ASIC2: variants seen among roughly 807,000 people sequenced by gnomAD.
The protein encoded by ASIC2 is acid-sensing ion channel 2.
ASIC2 carries 25 observed loss-of-function variants against 57.3 expected under a neutral mutation model. That is an observed-to-expected ratio of 0.44 (90% CI 0.32 to 0.61). The LOEUF (loss-of-function observed/expected upper bound fraction) is 0.61, where lower values mean the gene tolerates loss of function less well. ASIC2 is among the 20% of genes least tolerant of loss of function. The pLI is 0.06. For synonymous variants in ASIC2, 319 were observed against 307.5 expected (o/e 1.04, Z -0.39); for missense variants, 641 against 738.1 (o/e 0.87, Z 1.52).
At chr17:33,259,122 T>A (rs970038411) in intron 1 of ASIC2, among the ~76,000 whole-genome samples, 1 of 152,134 alleles carries the variant, frequency 6.6e-6, no homozygotes. Flanking sequence ...AGGGTTGATA[T>A]GAAAAGTGGC....
chr17:33,596,369 G>A (rs1904979115), intron 1 of ASIC2, among the ~76,000 whole-genome samples: 1 of 152,202 alleles, frequency 6.6e-6, no homozygotes, highest in Non-Finnish European at 1.5e-5. Flanking sequence ...TTAAAGGTGG[G>A]ATTAATTTAA....
intron 1 of ASIC2, among the ~76,000 whole-genome samples, chr17:33,936,990 G>A (rs942371841): frequency 2.0e-5 from 3 of 152,190 alleles, no homozygotes. Context: ...AGCCCAAGCG[G>A]AGAGAGTTAG....
intron 1 of ASIC2, among the ~76,000 whole-genome samples, chr17:34,125,681 T>C (rs1298337226): frequency 1.3e-5 from 2 of 152,188 alleles, no homozygotes; most frequent in South Asian, 4.1e-4. Flanking sequence ...ATGATTCCTA[T>C]CTTATAAAGG....
chr17:33,443,196 G>C (rs1911884533), intron 1 of ASIC2, among the ~76,000 whole-genome samples: 1 of 152,058 alleles, frequency 6.6e-6, no homozygotes, highest in African/African-American at 2.4e-5. Flanking sequence ...AGTTTGTACA[G>C]GATATTGGTC....
intron 1 of ASIC2, among the ~76,000 whole-genome samples, chr17:33,819,672 C>G (rs137946983): frequency 6.6e-6 from 1 of 152,146 alleles, no homozygotes; most frequent in South Asian, 2.1e-4. Flanking sequence ...AGAGGATCTC[C>G]GGCAGAGTTG....
Position 33,013,684 on chromosome 17 carries a change from G to T in ASIC2, c.*281C>A. The stretch of plus-strand genomic sequence containing the variant: ...CGCCACAAGAAGTCTGAGCATGCAG[G>T]TGCTTTATACATCTGGCAGTGAGAT... On this transcript the variant is annotated 3_prime_UTR_variant, in exon 10 of 10. Transcript: ENST00000225823. The T allele has an allele frequency of 2.2e-6, 1 of 452,748 alleles. No individual in the cohort carries two copies. The highest frequency in any genetic ancestry group is 4.0e-6 in the Non-Finnish European group (1 of 247,426). The allele number at this position is 452,748 out of a possible 1,614,324, so 28.0% of individuals were successfully genotyped here.
intron 1 of ASIC2, among the ~76,000 whole-genome samples, chr17:33,313,370 C>T (rs1008364152): frequency 6.6e-6 from 1 of 151,842 alleles, no homozygotes; most frequent in Admixed American, 6.6e-5. Flanking sequence ...ATGAGCAGCT[C>T]TGCACACTCT....
At chr17:33,535,454 T>A (rs1055672131) in intron 1 of ASIC2, among the ~76,000 whole-genome samples, 3 of 151,998 alleles carry the variant, frequency 2.0e-5, no homozygotes, top group African/African-American at 7.2e-5. Flanking sequence ...TTTTTTTGTA[T>A]TTTTAGTAGA....
chr17:33,886,943 C>A (rs796916652), intron 1 of ASIC2, among the ~76,000 whole-genome samples: 22 of 105,194 alleles, frequency 2.1e-4, no homozygotes, highest in African/African-American at 4.1e-5. Context: ...AGAAAACAAA[C>A]AAACAAACTA....
chr17:34,112,465 A>C (rs926345158), intron 1 of ASIC2, among the ~76,000 whole-genome samples: 5 of 152,146 alleles, frequency 3.3e-5, no homozygotes, highest in Admixed American at 1.3e-4. Context: ...GCCAAAAAAA[A>C]AAAAAAAAGG....
intron 1 of ASIC2, among the ~76,000 whole-genome samples, chr17:33,631,301 C>T (rs1010138287): frequency 6.7e-6 from 1 of 148,744 alleles, no homozygotes; most frequent in East Asian, 2.0e-4. Context: ...CAGTCTTAAG[C>T]GTGGCATGCT....
At chr17:33,419,188 T>G (rs902017617) in intron 1 of ASIC2, among the ~76,000 whole-genome samples, 1 of 152,232 alleles carries the variant, frequency 6.6e-6, no homozygotes, top group Non-Finnish European at 1.5e-5. Context: ...TTGCACCCAT[T>G]GGTGCCCCTC....
chr17:33,826,585 G>A (rs891049239), intron 1 of ASIC2, among the ~76,000 whole-genome samples: 3 of 152,180 alleles, frequency 2.0e-5, no homozygotes, highest in African/African-American at 7.2e-5. Flanking sequence ...CCCAGAGAGG[G>A]CAGATGGTTT....
chr17:33,739,699 G>A (rs1910034904), intron 1 of ASIC2, among the ~76,000 whole-genome samples: 1 of 151,826 alleles, frequency 6.6e-6, no homozygotes, highest in Non-Finnish European at 1.5e-5. Context: ...AAAATCACCA[G>A]AACCCCAGGC....
At chr17:33,071,705 C>A (rs115776637) in intron 3 of ASIC2, among the ~76,000 whole-genome samples, 1 of 152,138 alleles carries the variant, frequency 6.6e-6, no homozygotes, top group African/African-American at 2.4e-5. Flanking sequence ...TGTTCTGGAA[C>A]ACATTTAAGT....
chr17:33,823,300 T>G (rs1400763499), intron 1 of ASIC2, among the ~76,000 whole-genome samples: 1 of 152,220 alleles, frequency 6.6e-6, no homozygotes, highest in Non-Finnish European at 1.5e-5. Context: ...CATATTTCAT[T>G]TGCAGAAGAC....
intron 1 of ASIC2, among the ~76,000 whole-genome samples, chr17:33,464,552 TTCTTTCTTTCTTTTCTCTCTTTCTC>T: frequency 8.5e-6 from 1 of 117,786 alleles, no homozygotes; most frequent in East Asian, 2.3e-4. Flanking sequence ...CTTTCTTTCT[TTCTTTCTTTCTTTTCTCTCTTTCTC>T]TCTTTATCTC....
chr17:33,971,628 T>C (rs1283786282), intron 1 of ASIC2, among the ~76,000 whole-genome samples: 1 of 152,114 alleles, frequency 6.6e-6, no homozygotes, highest in African/African-American at 2.4e-5. Context: ...CATGCCCATA[T>C]ACATGTAAGG....
intron 1 of ASIC2, among the ~76,000 whole-genome samples, chr17:33,892,726 A>G (rs1453995400): frequency 6.6e-6 from 1 of 152,210 alleles, no homozygotes; most frequent in Non-Finnish European, 1.5e-5. Context: ...TTATTTCTCA[A>G]AATAAGCCAT....
Sources: allele counts gnomAD v4.1 joint callset (sites outside exome capture counted in the v4.1 genomes callset), GRCh38; gene constraint gnomAD v4.1.1; transcripts MANE v1.5; gene names NCBI Gene and HGNC (gene_info 2026-07-23, HGNC 2026-07-21).